Variants in SLC4A8 observed in about 807,000 individuals in gnomAD.
The protein encoded by SLC4A8 is electroneutral sodium bicarbonate exchanger 1.
SLC4A8 carries 40 observed loss-of-function variants against 125.0 expected under a neutral mutation model. The ratio of observed to expected loss-of-function variants is 0.32; its 90% confidence interval spans 0.25 to 0.42. The LOEUF (loss-of-function observed/expected upper bound fraction) is 0.42. SLC4A8 is among the 10% of genes least tolerant of loss of function. The probability of loss-of-function intolerance (pLI) is 1.00; values close to 1 mark genes in which losing one functional copy is unlikely to be tolerated. For synonymous variants in SLC4A8, 456 were observed against 476.0 expected (o/e 0.96, Z 0.55); for missense variants, 863 against 1,355.1 (o/e 0.64, Z 5.70).
chr12:51,423,651 C>T (rs1948846059), upstream of SLC4A8, among the ~76,000 whole-genome samples: 1 of 152,184 alleles, frequency 6.6e-6, no homozygotes, highest in Non-Finnish European at 1.5e-5. Context: ...ACTGTAGCTT[C>T]TTTAGGGGCT....
At chr12:51,455,787 G>C (rs1950130278) in intron 5 of SLC4A8, among the ~76,000 whole-genome samples, 1 of 152,176 alleles carries the variant, frequency 6.6e-6, no homozygotes, top group South Asian at 2.1e-4. Context: ...CTTTTTCAGG[G>C]AGGTACCCCA....
rs144198393 is a variant in SLC4A8, at chr12:51,440,769, A to G, written c.110A>G (p.Tyr37Cys). Residue 37 changes from tyrosine to cysteine, a missense_variant, in exon 2 of 25, where the codon TAT (tyrosine) becomes TGT (cysteine). Physicochemically the swap from Tyr to Cys is radical, Grantham distance 194. This residue lies in a region of SLC4A8 where 104 missense variants were observed against 116.4 expected (regional missense o/e 0.89). Transcript: ENST00000453097. ...ACCAGTACAATTCTCAACATTCACT[A>G]TGAAAAAGAAGAGCTGGAAGGTAAG... Reference protein sequence around the residue: ...GGTSTILNIHYEKEELEGHRT... With the variant: ...GGTSTILNIHCEKEELEGHRT... The G allele has an allele frequency of 7.5e-6, 12 of 1,607,798 alleles. No individual in the cohort carries two copies. Among genetic ancestry groups the G allele is most frequent in the Admixed American group, 1.7e-5 (1 of 57,808 alleles).
Position 51,515,155 on chromosome 12 carries a change from T to C in SLC4A8, c.*7717T>C, listed in dbSNP as rs376922886. ...TTCGCTTAGCAGGTTTGCAATTGAC[T>C]TCAACATGCAGGCTTTTCACATGTG... On this transcript the variant is annotated 3_prime_UTR_variant, in exon 25 of 25. Transcript: ENST00000453097. The C allele has an allele frequency of 6.6e-6, 1 of 152,222 alleles. No homozygotes were observed. Among genetic ancestry groups the C allele is most frequent in the African/African-American group, 2.4e-5 (1 of 41,452 alleles). 9.4% of individuals were successfully genotyped at this position (152,222 alleles called of 1,614,324 possible). A position where few individuals can be genotyped will look rare whatever the true frequency, so the allele number is the denominator to read the frequency against.
intron 1 of SLC4A8, among the ~76,000 whole-genome samples, chr12:51,433,880 G>GTTT (rs1565772475): frequency 2.8e-5 from 2 of 71,710 alleles, no homozygotes; most frequent in South Asian, 9.3e-4. Context: ...TTTTTTTTTG[G>GTTT]TTGGTTTTTT....
chr12:51,460,248 G>A (rs759992901), intron 8 of SLC4A8, 140 bp downstream of exon 8: 1 of 744,088 alleles, frequency 1.3e-6, no homozygotes, highest in South Asian at 1.5e-5. Flanking sequence ...AAAGCCAGAT[G>A]TGCTGGTGTG....
intron 22 of SLC4A8, among the ~76,000 whole-genome samples, chr12:51,501,179 T>A (rs920071458): frequency 6.6e-6 from 1 of 152,194 alleles, no homozygotes; most frequent in Admixed American, 6.5e-5. Context: ...AAAAAGTTAT[T>A]TTAGATTCAG....
At chr12:51,455,271 TAAAAA>T (rs544910543) in intron 5 of SLC4A8, among the ~76,000 whole-genome samples, 1 of 138,100 alleles carries the variant, frequency 7.2e-6, no homozygotes, top group South Asian at 2.3e-4. Context: ...CCCTGTCTCT[TAAAAA>T]AAAAAAAAAA....
At chr12:51,479,547 C>T (rs531669259) in intron 16 of SLC4A8, among the ~76,000 whole-genome samples, 2 of 151,912 alleles carry the variant, frequency 1.3e-5, no homozygotes, top group South Asian at 4.2e-4. Context: ...ATTAGCTGGG[C>T]GTGGTGGTGC....
chr12:51,433,884 G>GTTTT, intron 1 of SLC4A8, among the ~76,000 whole-genome samples: 1 of 72,208 alleles, frequency 1.4e-5, no homozygotes, highest in African/African-American at 5.5e-5. Flanking sequence ...TTTTTGGTTG[G>GTTTT]TTTTTTTTTG....
intron 21 of SLC4A8, 55 bp from the exon 22 acceptor site, chr12:51,496,932 G>A: frequency 1.3e-6 from 2 of 1,579,866 alleles, no homozygotes; most frequent in South Asian, 1.1e-5. Context: ...TTGCTTTTAA[G>A]TCCAGGAAGG....
intron 1 of SLC4A8, among the ~76,000 whole-genome samples, chr12:51,426,518 A>G (rs769081365): frequency 9.9e-5 from 15 of 152,232 alleles, no homozygotes; most frequent in Non-Finnish European, 1.9e-4. Context: ...GGTTCCAGAC[A>G]TGGTCTCAGA....
intron 5 of SLC4A8, among the ~76,000 whole-genome samples, 172 bp downstream of exon 5, chr12:51,453,871 G>A (rs1418168467): frequency 6.6e-6 from 1 of 152,188 alleles, no homozygotes; most frequent in Admixed American, 6.5e-5. Flanking sequence ...GCTAATAAAC[G>A]ACTCTACCTA....
intron 2 of SLC4A8, 82 bp downstream of exon 2, chr12:51,440,871 C>A: frequency 1.7e-6 from 2 of 1,174,756 alleles, no homozygotes; most frequent in Non-Finnish European, 2.4e-6. Flanking sequence ...TGTCCTAACT[C>A]TCTCACTAGC....
At chr12:51,457,574 A>G (rs755896910) in intron 6 of SLC4A8, 35 bp downstream of exon 6, 4 of 1,579,554 alleles carry the variant, frequency 2.5e-6, no homozygotes, top group South Asian at 1.2e-5. Context: ...CTCTTTATTA[A>G]TAAGACATTG....
intron 23 of SLC4A8, among the ~76,000 whole-genome samples, chr12:51,505,136 A>G (rs1284786518): frequency 6.6e-6 from 1 of 152,176 alleles, no homozygotes; most frequent in Admixed American, 6.5e-5. Flanking sequence ...CGTGAGCTTG[A>G]TTTATCTGGT....
At chr12:51,449,244 C>T (rs1374380718) in intron 2 of SLC4A8, among the ~76,000 whole-genome samples, 1 of 152,022 alleles carries the variant, frequency 6.6e-6, no homozygotes. Flanking sequence ...TTGAAACAAG[C>T]CTGGGCAACA....
intron 22 of SLC4A8, 28 bp downstream of exon 22, chr12:51,497,152 CT>C: frequency 6.3e-7 from 1 of 1,586,416 alleles, no homozygotes; most frequent in South Asian, 1.2e-5. Flanking sequence ...AACTGTATAC[CT>C]GGGGGCCTCA....
At chr12:51,447,408 A>G (rs1415384839) in intron 2 of SLC4A8, among the ~76,000 whole-genome samples, 1 of 152,134 alleles carries the variant, frequency 6.6e-6, no homozygotes, top group Non-Finnish European at 1.5e-5. Context: ...TGGGAATTTA[A>G]AGGAATGAGG....
At chr12:51,407,093 G>A (rs1948502532) in intron 1 of SLC4A8, among the ~76,000 whole-genome samples, 1 of 152,164 alleles carries the variant, frequency 6.6e-6, no homozygotes, top group African/African-American at 2.4e-5. Flanking sequence ...TCTGGTGAGG[G>A]CTGCTCTCCT....
Sources: gnomAD v4.1 joint callset for allele counts (sites outside exome capture counted in the v4.1 genomes callset) on GRCh38, gnomAD v4.1.1 for gene constraint, gnomAD v4.1.1 regional missense constraint, MANE v1.5 for transcripts, NCBI Gene and HGNC (gene_info 2026-07-23, HGNC 2026-07-21) for gene names.